ZFPM1: variants seen among roughly 807,000 people sequenced by gnomAD.
ZFPM1 encodes zinc finger protein ZFPM1.
ZFPM1 carries 28 observed loss-of-function variants against 46.3 expected under a neutral mutation model. The observed-to-expected ratio is 0.60, with a 90% CI of 0.45 to 0.83. The LOEUF (loss-of-function observed/expected upper bound fraction) is 0.83. Among genes scored for constraint, ZFPM1 ranks in the 40% least tolerant of loss-of-function variants. ZFPM1 has a pLI of 0.00. For missense variants in ZFPM1, 1,878 were observed against 1,432.4 expected, an observed-to-expected ratio of 1.31 and a Z score of -5.02; for synonymous variants, 957 against 675.9, an observed-to-expected ratio of 1.42 and a Z score of -6.45.
intron 3 of ZFPM1, among the ~76,000 whole-genome samples, chr16:88,494,043 G>C (rs938489105): frequency 6.6e-5 from 10 of 152,190 alleles, no homozygotes; most frequent in Non-Finnish European, 1.0e-4. Flanking sequence ...GAAAGCCACA[G>C]CCGCAGGAAG....
intron 4 of ZFPM1, 88 bp from the exon 5 acceptor site, chr16:88,526,726 G>A (rs1383260591): frequency 1.7e-5 from 24 of 1,406,852 alleles, no homozygotes; most frequent in Middle Eastern, 2.4e-4. Context: ...AGGCAGATCC[G>A]TGTCACAGAT....
chr16:88,503,522 G>C (rs1445807177), intron 3 of ZFPM1, among the ~76,000 whole-genome samples: 10 of 149,860 alleles, frequency 6.7e-5, no homozygotes. Context: ...TCTGCCTCCA[G>C]GGCTCCTCCT....
At position 88,535,949 on chromosome 16, in the gene ZFPM1, T is replaced by G. The variant is rs1299354612; in HGVS notation, c.*970T>G. The G allele has an allele frequency of 6.6e-6, 1 of 152,194 alleles. No homozygotes were observed. The highest frequency in any genetic ancestry group is 1.5e-5 in the Non-Finnish European group (1 of 68,038). The allele number at this position is 152,194 out of a possible 1,614,324, so 9.4% of individuals were successfully genotyped here. On this transcript the variant is annotated 3_prime_UTR_variant, in exon 10 of 10. Transcript: ENST00000319555. The stretch of plus-strand genomic sequence containing the variant: ...TCACTGGAGAACAAAAACACTCTTC[T>G]ATTCCCAACGTCACTTTATTTTTTT...
intron 1 of ZFPM1, among the ~76,000 whole-genome samples, chr16:88,454,229 C>G (rs754856325): frequency 5.3e-4 from 81 of 152,200 alleles, no homozygotes; most frequent in Non-Finnish European, 9.3e-4. Flanking sequence ...CCCGCGCCCA[C>G]CCCCACCGGT....
chr16:88,456,488 C>G (rs1200640355), intron 1 of ZFPM1, among the ~76,000 whole-genome samples: 1 of 152,128 alleles, frequency 6.6e-6, no homozygotes, highest in Non-Finnish European at 1.5e-5. Context: ...CCTGCCTGGG[C>G]TGAGCACTGT....
chr16:88,515,226 G>C (rs1422809964), intron 4 of ZFPM1, among the ~76,000 whole-genome samples: 2 of 152,202 alleles, frequency 1.3e-5, no homozygotes, highest in Non-Finnish European at 2.9e-5. Flanking sequence ...GGCGGCATAG[G>C]GTCTGGGGCC....
At chr16:88,498,954 G>A (rs895140221) in intron 3 of ZFPM1, among the ~76,000 whole-genome samples, 1 of 152,294 alleles carries the variant, frequency 6.6e-6, no homozygotes, top group African/African-American at 2.4e-5. Flanking sequence ...CTGCACCCGG[G>A]TCCTGCCTGC....
At chr16:88,511,887 C>T (rs968588799) in intron 3 of ZFPM1, among the ~76,000 whole-genome samples, 1 of 152,190 alleles carries the variant, frequency 6.6e-6, no homozygotes, top group Non-Finnish European at 1.5e-5. Context: ...CATCCTGAAC[C>T]CTGGTCCAGG....
At chr16:88,528,280 A>C in intron 6 of ZFPM1, 42 bp downstream of exon 6, 2 of 1,533,400 alleles carry the variant, frequency 1.3e-6, no homozygotes, top group Non-Finnish European at 1.8e-6. Flanking sequence ...CTGCTCCACC[A>C]AGGAGGAGCA....
chr16:88,474,882 G>A (rs1380145111), intron 1 of ZFPM1, among the ~76,000 whole-genome samples: 1 of 152,182 alleles, frequency 6.6e-6, no homozygotes, highest in Non-Finnish European at 1.5e-5. Flanking sequence ...GCAGCTCTTC[G>A]AGACTGATGA....
chr16:88,491,093 C>T (rs1393958788), intron 3 of ZFPM1, among the ~76,000 whole-genome samples: 1 of 151,484 alleles, frequency 6.6e-6, no homozygotes, highest in Non-Finnish European at 1.5e-5. Context: ...CAGTCAGGCG[C>T]TGGTGCCTTC....
chr16:88,468,007 C>A (rs1908218633), intron 1 of ZFPM1, among the ~76,000 whole-genome samples: 1 of 136,498 alleles, frequency 7.3e-6, no homozygotes, highest in Non-Finnish European at 1.6e-5. Context: ...CCGCGAGCCC[C>A]CCACCGCCCC....
At chr16:88,508,209 A>G (rs951314041) in intron 3 of ZFPM1, among the ~76,000 whole-genome samples, 1 of 152,206 alleles carries the variant, frequency 6.6e-6, no homozygotes, top group African/African-American at 2.4e-5. Flanking sequence ...AGATGGGAGA[A>G]TCGCTTGAAC....
intron 1 of ZFPM1, among the ~76,000 whole-genome samples, chr16:88,460,084 C>G (rs373756286): frequency 2.7e-4 from 41 of 152,062 alleles, no homozygotes; most frequent in African/African-American, 8.9e-4. Context: ...TTGGCATACT[C>G]TTGCCCTCTT....
chr16:88,467,709 C>T (rs1908201220), intron 1 of ZFPM1, among the ~76,000 whole-genome samples: 1 of 152,154 alleles, frequency 6.6e-6, no homozygotes, highest in Non-Finnish European at 1.5e-5. Flanking sequence ...CACAGCGGGC[C>T]CTAAGCTGAC....
chr16:88,479,035 G>A (rs1908808283), intron 1 of ZFPM1, among the ~76,000 whole-genome samples: 4 of 152,206 alleles, frequency 2.6e-5, no homozygotes, highest in South Asian at 4.1e-4. Flanking sequence ...GGCACAGAAG[G>A]CGCCGTCTGC....
Position 88,536,846 on chromosome 16 carries a change from A to G in ZFPM1, c.*1867A>G, listed in dbSNP as rs1293324153. On this transcript the variant is annotated 3_prime_UTR_variant, in exon 10 of 10. Coordinates refer to ENST00000319555, the MANE Select transcript of ZFPM1 (RefSeq NM_153813.3). ...GGGGACGGGAGGCACGGACCCCTCA[A>G]GTCTGCTCATCATTTGCATTGTTGT... The G allele has an allele frequency of 6.6e-6, 1 of 152,232 alleles. No homozygotes were observed. Among genetic ancestry groups the G allele is most frequent in the Admixed American group, 6.5e-5 (1 of 15,280 alleles). The allele number at this position is 152,232 out of a possible 1,614,324, so 9.4% of individuals were successfully genotyped here. A position where few individuals can be genotyped will look rare whatever the true frequency, so the allele number is the denominator to read the frequency against.
Position 88,534,047 on chromosome 16 carries a change from A to G in ZFPM1, c.2089A>G (p.Thr697Ala), listed in dbSNP as rs750984648. The change falls in exon 10 of 10, where the codon ACC becomes GCC. Residue 697 changes from threonine to alanine, a missense_variant. Transcript: ENST00000319555. Reference protein sequence around the residue: ...ACNIRFSRHETYTVHKRYYCA... With the variant: ...ACNIRFSRHEAYTVHKRYYCA... The stretch of plus-strand genomic sequence containing the variant: ...CAACATCCGCTTCAGCCGCCACGAG[A>G]CCTACACCGTGCACAAGCGGTACTA... 3 of 1,328,816 alleles carry G rather than the reference A, an allele frequency of 2.3e-6. No individual in the cohort carries two copies. The highest frequency in any genetic ancestry group is 2.0e-6 in the Non-Finnish European group (2 of 1,021,516). 82.3% of individuals were successfully genotyped at this position (1,328,816 alleles called of 1,614,324 possible).
rs1008587359 is a variant in ZFPM1, at chr16:88,471,268, G to A, written c.41-14671G>A. Among the ~76,000 whole-genome samples, 1 of 152,260 alleles carries A rather than the reference G, an allele frequency of 6.6e-6. No individual in the cohort carries two copies. The highest frequency in any genetic ancestry group is 2.4e-5 in the African/African-American group (1 of 41,474). On this transcript the variant is annotated intron_variant, in intron 1 of 9. Transcript: ENST00000319555. This position sits in a 1 kb window ranked among gnomAD's most constrained non-coding sequence, Gnocchi z 4.1. ...TGACCCTCCAGGGCTGCAGCCATGT[G>A]TGACCTCCACCCTCGCGAAGGCCAG...
Sources: gnomAD v4.1 joint callset for allele counts (sites outside exome capture counted in the v4.1 genomes callset) on GRCh38, gnomAD v4.1.1 for gene constraint, Gnocchi (gnomAD v3.1) non-coding constraint, MANE v1.5 for transcripts, NCBI Gene and HGNC (gene_info 2026-07-23, HGNC 2026-07-21) for gene names.